The following USP13 variants were observed in gnomAD, a reference collection of about 807,000 sequenced individuals.
USP13 encodes ubiquitin carboxyl-terminal hydrolase 13.
In USP13, 68 loss-of-function variants were observed where a neutral mutation model predicts 107.8. The observed-to-expected ratio is 0.63, with a 90% CI of 0.52 to 0.77. The LOEUF is 0.77. Ranked by LOEUF, USP13 falls within the 30% of genes least tolerant of loss-of-function variation. USP13 has a pLI of 0.00. For missense variants in USP13, 945 were observed against 1,093.3 expected (o/e 0.86, Z 1.91); for synonymous variants, 377 against 389.5 (o/e 0.97, Z 0.38).
intron 1 of USP13, among the ~76,000 whole-genome samples, chr3:179,656,164 ACAACG>A (rs1444452610): frequency 6.6e-6 from 1 of 152,266 alleles, no homozygotes; most frequent in African/African-American, 2.4e-5. Flanking sequence ...CAAAGAAGAT[ACAACG>A]TGTGAATATT....
At position 179,789,055 on chromosome 3, in the gene USP13, T is replaced by C. The variant is rs2108565625; in HGVS notation, c.*4914T>C. ...ACCAAGGATATTAGCCACTTGAGGG[T>C]GTTGGGCATATTTGTTTCATTGTAG... On this transcript the variant is annotated 3_prime_UTR_variant, in exon 21 of 21. Coordinates refer to ENST00000263966, the MANE Select transcript of USP13 (RefSeq NM_003940.3). 6.6e-6 allele frequency: 1 copy of C among 152,302 alleles called. No individual in the cohort carries two copies. The highest frequency in any genetic ancestry group is 1.9e-4 in the East Asian group (1 of 5,188). 9.4% of individuals were successfully genotyped at this position (152,302 alleles called of 1,614,324 possible).
intron 3 of USP13, among the ~76,000 whole-genome samples, chr3:179,699,292 A>G (rs1490825438): frequency 6.6e-6 from 1 of 152,202 alleles, no homozygotes; most frequent in Admixed American, 6.5e-5. Context: ...TAATGCCTGT[A>G]CTTACTAATT....
At chr3:179,783,341 A>G (rs933027489) in intron 20 of USP13, among the ~76,000 whole-genome samples, 1 of 152,180 alleles carries the variant, frequency 6.6e-6, no homozygotes, top group African/African-American at 2.4e-5. Context: ...CACACATACT[A>G]CATATAAATA....
chr3:179,774,160 A>T (rs1715428841), intron 19 of USP13, among the ~76,000 whole-genome samples: 1 of 152,182 alleles, frequency 6.6e-6, no homozygotes, highest in South Asian at 2.1e-4. Context: ...GCGAGAGAGA[A>T]GAGGTGTCAT....
chr3:179,740,273 C>T lies in USP13; in HGVS notation c.1281C>T (p.Arg427=). The T allele has an allele frequency of 1.2e-6, 2 of 1,614,106 alleles. No individual in the cohort carries two copies. Among genetic ancestry groups the T allele is most frequent in the Non-Finnish European group, 1.7e-6 (2 of 1,180,038 alleles). The change falls in exon 11 of 21, where the codon CGC becomes CGT. Residue 427 remains arginine (R), a synonymous_variant. Coordinates refer to ENST00000263966, the MANE Select transcript of USP13 (RefSeq NM_003940.3). ...HKPQQNGISP[R]MFKAFVSKSH... ...CACAGCAGAACGGGATCTCTCCGCG[C>T]ATGTTTAAGGCCTTTGTAAGCAAGA...
intron 10 of USP13, among the ~76,000 whole-genome samples, chr3:179,737,037 G>A (rs1714017920): frequency 6.6e-6 from 1 of 152,244 alleles, no homozygotes; most frequent in Non-Finnish European, 1.5e-5. Flanking sequence ...ACTCTTCAAA[G>A]TGGAGAAATA....
intron 13 of USP13, among the ~76,000 whole-genome samples, chr3:179,745,451 CT>C (rs1173126298): frequency 6.6e-6 from 1 of 151,806 alleles, no homozygotes; most frequent in East Asian, 1.9e-4. Flanking sequence ...TTTCTTTTTT[CT>C]TTTTTTAAAT....
chr3:179,717,902 T>A (rs1713162727), intron 6 of USP13, among the ~76,000 whole-genome samples: 1 of 152,196 alleles, frequency 6.6e-6, no homozygotes, highest in Non-Finnish European at 1.5e-5. Flanking sequence ...ATCATGGGCC[T>A]CTGGGGGAAG....
chr3:179,675,170 A>G (rs935224890), intron 1 of USP13, among the ~76,000 whole-genome samples: 23 of 151,214 alleles, frequency 1.5e-4, no homozygotes, highest in African/African-American at 5.3e-4. Context: ...GTGACACTCC[A>G]TCTCAAAAAA....
At chr3:179,743,266 AG>A (rs1714265490) in intron 12 of USP13, among the ~76,000 whole-genome samples, 1 of 152,100 alleles carries the variant, frequency 6.6e-6, no homozygotes, top group African/African-American at 2.4e-5. Flanking sequence ...GTGGGGGGAA[AG>A]GGGAGAGAAC....
intron 18 of USP13, among the ~76,000 whole-genome samples, chr3:179,765,363 C>G (rs1376508045): frequency 6.6e-6 from 1 of 152,218 alleles, no homozygotes; most frequent in Non-Finnish European, 1.5e-5. Flanking sequence ...AAACAAATGC[C>G]ATACCCTTGG....
In USP13 at chr3:179,653,544, G is replaced by C. The variant is rs9875917; in HGVS notation, c.168+151G>C. ...AACACTGCAGTTCGGCAGACACTTA[G>C]TGAGCGCCCCAGGGCTGCTGCAGCC... On this transcript the variant is annotated intron_variant, in intron 1 of 20. Coordinates refer to ENST00000263966, the MANE Select transcript of USP13 (RefSeq NM_003940.3). The surrounding 1 kb of genome is among the most constrained non-coding windows in gnomAD (Gnocchi z 4.0). 0.51 allele frequency: 571,754 copies of C among 1,115,766 alleles called. 152,169 individuals are homozygous for C. Among genetic ancestry groups the C allele is most frequent in the Middle Eastern group, 0.55 (1,780 of 3,244 alleles). 69.1% of individuals were successfully genotyped at this position (1,115,766 alleles called of 1,614,324 possible).
chr3:179,724,479 AAG>A (rs1273896977), intron 8 of USP13, among the ~76,000 whole-genome samples: 2 of 151,102 alleles, frequency 1.3e-5, no homozygotes, highest in African/African-American at 4.9e-5. Flanking sequence ...AAAAAAAAGA[AAG>A]AAATAATAAT....
chr3:179,742,284 C>A lies in USP13; in HGVS notation c.1468C>A (p.Arg490Ser), dbSNP rs373942034. Reference protein sequence around the residue: ...RIQCCQTRKVRYTERVDYLMQ... With the variant: ...RIQCCQTRKVSYTERVDYLMQ... ...TCAGTGCTGTCAGACCCGGAAAGTC[C>A]GCTACACGGAGAGGGTGGATTACCT... is the stretch of plus-strand genomic sequence containing the variant. Residue 490 changes from arginine to serine, a missense_variant, in exon 12 of 21, where the codon CGC (arginine) becomes AGC (serine). Arg to Ser is a moderately radical substitution (Grantham distance 110). Coordinates refer to ENST00000263966, the MANE Select transcript of USP13 (RefSeq NM_003940.3). The surrounding 1 kb of genome is among the most constrained non-coding windows in gnomAD (Gnocchi z 5.0). 6.2e-7 allele frequency: 1 copy of A among 1,614,190 alleles called. No individual in the cohort carries two copies. Among genetic ancestry groups the A allele is most frequent in the South Asian group, 1.1e-5 (1 of 91,082 alleles).
At chr3:179,710,489 C>T (rs1373532496) in intron 6 of USP13, among the ~76,000 whole-genome samples, 2 of 152,200 alleles carry the variant, frequency 1.3e-5, no homozygotes, top group Non-Finnish European at 1.5e-5. Context: ...TATAACTGTT[C>T]GTATATGCAG....
At chr3:179,763,979 T>C (rs755468474) in intron 17 of USP13, 23 bp from the exon 18 acceptor site, 4 of 1,573,676 alleles carry the variant, frequency 2.5e-6, no homozygotes, top group South Asian at 2.4e-5. Flanking sequence ...AGGAAAAGAC[T>C]TGGGTGTGGT....
At chr3:179,675,115 C>T (rs2108447497) in intron 1 of USP13, among the ~76,000 whole-genome samples, 1 of 150,970 alleles carries the variant, frequency 6.6e-6, no homozygotes, top group South Asian at 2.1e-4. Context: ...GTGGAGTTTG[C>T]AGTGAGCAGA....
chr3:179,740,149 T>C lies in USP13; in HGVS notation c.1255-98T>C. The C allele has an allele frequency of 2.0e-6, 3 of 1,535,410 alleles. No individual in the cohort carries two copies. The South Asian group carries it at 3.6e-5, about 19-fold the overall frequency. On this transcript the variant is annotated intron_variant, in intron 10 of 20. Transcript: ENST00000263966. ...TTCTTTGGGCTGTAGTTTTCTCATC[T>C]GGAAAGTGGAGTTTATGGTGGGTTC...
At chr3:179,764,261 T>C in intron 18 of USP13, 93 bp downstream of exon 18, 1 of 1,459,332 alleles carries the variant, frequency 6.9e-7, no homozygotes, top group Non-Finnish European at 9.0e-7. Flanking sequence ...ACTTTGATCA[T>C]TTTGATTCAT....
Sources: gnomAD v4.1 joint callset for allele counts (sites outside exome capture counted in the v4.1 genomes callset) on GRCh38, gnomAD v4.1.1 for gene constraint, Gnocchi (gnomAD v3.1) non-coding constraint, MANE v1.5 for transcripts, NCBI Gene and HGNC (gene_info 2026-07-23, HGNC 2026-07-21) for gene names.